The following KCNAB1 variants were observed in gnomAD, a reference collection of about 807,000 sequenced individuals.
The protein encoded by KCNAB1 is potassium voltage-gated channel subfamily A regulatory beta subunit 1.
In KCNAB1, 35 loss-of-function variants were observed where a neutral mutation model predicts 64.6. The observed-to-expected ratio is 0.54, with a 90% confidence interval of 0.41 to 0.72. KCNAB1 has a LOEUF of 0.72. KCNAB1 is among the 30% of genes least tolerant of loss of function. The probability of loss-of-function intolerance (pLI) is 0.00; values close to 1 mark genes in which losing one functional copy is unlikely to be tolerated. For missense variants in KCNAB1, 401 were observed against 512.9 expected (o/e 0.78, Z 2.11); for synonymous variants, 177 against 183.8 (o/e 0.96, Z 0.30).
At chr3:156,530,368 A>G (rs771820222) in intron 12 of KCNAB1, among the ~76,000 whole-genome samples, 1 of 152,192 alleles carries the variant, frequency 6.6e-6, no homozygotes, top group Non-Finnish European at 1.5e-5. Context: ...GAATATTCCA[A>G]TGGAGGGACT....
At chr3:156,314,838 T>G (rs1184506175) in intron 1 of KCNAB1, among the ~76,000 whole-genome samples, 1 of 152,060 alleles carries the variant, frequency 6.6e-6, no homozygotes. Flanking sequence ...CATGGTGATA[T>G]CCCCATCTCT....
intron 1 of KCNAB1, among the ~76,000 whole-genome samples, chr3:156,187,702 C>T (rs1310303390): frequency 6.6e-6 from 1 of 152,198 alleles, no homozygotes; most frequent in African/African-American, 2.4e-5. Context: ...CCTTAACAAT[C>T]GCAAAGCCTG....
chr3:156,133,715 A>T (rs1486871623), intron 1 of KCNAB1, among the ~76,000 whole-genome samples: 1 of 152,198 alleles, frequency 6.6e-6, no homozygotes, highest in Non-Finnish European at 1.5e-5. Context: ...AAGGGTGATT[A>T]GTTATGCCGG....
At chr3:156,438,782 G>A (rs144670965) in intron 2 of KCNAB1, among the ~76,000 whole-genome samples, 2,990 of 152,234 alleles carry the variant, frequency 0.02, 88 homozygotes, top group South Asian at 0.11. Flanking sequence ...TTGGGAGGAC[G>A]AGGTGGGCCG....
At chr3:156,125,535 G>A (rs1328374649) in intron 1 of KCNAB1, among the ~76,000 whole-genome samples, 1 of 152,196 alleles carries the variant, frequency 6.6e-6, no homozygotes, top group Non-Finnish European at 1.5e-5. Flanking sequence ...TTAAATTGAA[G>A]TTACTAGGAA....
At chr3:156,523,658 A>C (rs1168774095) in intron 11 of KCNAB1, 169 bp from the exon 12 acceptor site, 1 of 660,864 alleles carries the variant, frequency 1.5e-6, no homozygotes, top group African/African-American at 1.8e-5. Flanking sequence ...AACAAGGAGC[A>C]AGATCGTGAG....
chr3:156,234,312 C>T (rs1470984562), intron 1 of KCNAB1, among the ~76,000 whole-genome samples: 1 of 151,968 alleles, frequency 6.6e-6, no homozygotes, highest in Non-Finnish European at 1.5e-5. Flanking sequence ...ATGGGAAAGA[C>T]CCTGTAGAGA....
chr3:156,159,666 A>G (rs1015788556), intron 1 of KCNAB1, among the ~76,000 whole-genome samples: 13 of 152,224 alleles, frequency 8.5e-5, no homozygotes, highest in Admixed American at 8.5e-4. Flanking sequence ...AGGAGATATT[A>G]GGAATAATTT....
chr3:156,213,328 C>T (rs1211642852), intron 1 of KCNAB1, among the ~76,000 whole-genome samples: 1 of 151,500 alleles, frequency 6.6e-6, no homozygotes, highest in Non-Finnish European at 1.5e-5. Flanking sequence ...AAGCAATTCT[C>T]TCCCTCAGCC....
chr3:156,357,212 A>G (rs1462549930), intron 1 of KCNAB1, among the ~76,000 whole-genome samples: 1 of 151,272 alleles, frequency 6.6e-6, no homozygotes, highest in African/African-American at 2.5e-5. Context: ...CGATTATCTT[A>G]TCAAGACTGG....
intron 8 of KCNAB1, among the ~76,000 whole-genome samples, chr3:156,489,503 A>G (rs1337404438): frequency 6.6e-6 from 1 of 152,158 alleles, no homozygotes; most frequent in Non-Finnish European, 1.5e-5. Flanking sequence ...AACAACATTG[A>G]CAAGAGAGTT....
chr3:156,164,085 T>TCA (rs1331160603), intron 1 of KCNAB1, among the ~76,000 whole-genome samples: 1 of 152,170 alleles, frequency 6.6e-6, no homozygotes, highest in Non-Finnish European at 1.5e-5. Flanking sequence ...CAGGGAGTGG[T>TCA]GCCTTTCAGA....
At chr3:156,427,269 T>G (rs551286783) in intron 2 of KCNAB1, among the ~76,000 whole-genome samples, 1 of 151,988 alleles carries the variant, frequency 6.6e-6, no homozygotes, top group Non-Finnish European at 1.5e-5. Context: ...GCTTCAGATA[T>G]CTAGAGAACA....
intron 1 of KCNAB1, among the ~76,000 whole-genome samples, chr3:156,343,293 T>C (rs1724260826): frequency 6.6e-6 from 1 of 152,252 alleles, no homozygotes; most frequent in Non-Finnish European, 1.5e-5. Flanking sequence ...CTCTGGATTC[T>C]GTATTCCTAA....
intron 1 of KCNAB1, among the ~76,000 whole-genome samples, chr3:156,304,111 C>T (rs1455089585): frequency 6.6e-5 from 10 of 152,072 alleles, no homozygotes; most frequent in African/African-American, 9.7e-5. Context: ...ATAGAACATT[C>T]GTAAAATGTT....
intron 5 of KCNAB1, among the ~76,000 whole-genome samples, chr3:156,463,162 G>A (rs918342046): frequency 6.6e-6 from 1 of 152,116 alleles, no homozygotes; most frequent in Admixed American, 6.6e-5. Context: ...TCCTGCCTGT[G>A]AATGTGATGT....
intron 11 of KCNAB1, among the ~76,000 whole-genome samples, chr3:156,517,002 G>A (rs1462736295): frequency 6.6e-6 from 1 of 152,232 alleles, no homozygotes; most frequent in African/African-American, 2.4e-5. Context: ...TTATTGGAGA[G>A]TACTCAAAAA....
At position 156,170,358 on chromosome 3, in the gene KCNAB1, A is replaced by T. The variant is rs555937359; in HGVS notation, c.275+49472A>T. Among the ~76,000 whole-genome samples the T allele has an allele frequency of 2.0e-3, 300 of 152,208 alleles. 2 individuals are homozygous for T. Among genetic ancestry groups the T allele is most frequent in the South Asian group, 4.0e-3 (19 of 4,808 alleles). On this transcript the variant is annotated intron_variant, in intron 1 of 13. Transcript: ENST00000490337. ...GGCTACTACTGTGGTTGATACCTAC[A>T]ATTTCTGTTGCAAAGTATGCTTGTC... is the stretch of plus-strand genomic sequence containing the variant.
At chr3:156,247,100 A>G (rs761208092) in intron 1 of KCNAB1, among the ~76,000 whole-genome samples, 40 of 152,156 alleles carry the variant, frequency 2.6e-4, no homozygotes, top group Non-Finnish European at 5.4e-4. Context: ...GCCAGGTCAG[A>G]CTGATCTTGG....
Sources: allele counts gnomAD v4.1 joint callset (sites outside exome capture counted in the v4.1 genomes callset), GRCh38; gene constraint gnomAD v4.1.1; transcripts MANE v1.5; gene names NCBI Gene and HGNC (gene_info 2026-07-23, HGNC 2026-07-21).